The following DAB1 variants were observed in gnomAD, a reference collection of about 807,000 sequenced individuals.
The protein encoded by DAB1 is disabled homolog 1.
A neutral mutation model predicts 64.6 loss-of-function variants in DAB1; 15 were observed. The ratio of observed to expected loss-of-function variants is 0.23; its 90% CI spans 0.16 to 0.36. The LOEUF (loss-of-function observed/expected upper bound fraction) is 0.36, where lower values mean the gene tolerates loss of function less well. Among genes scored for constraint, DAB1 ranks in the 10% least tolerant of loss-of-function variants. The pLI is 1.00. For missense variants in DAB1, 596 were observed against 706.7 expected (o/e 0.84, Z 1.78); for synonymous variants, 235 against 251.9 (o/e 0.93, Z 0.64).
At chr1:57,921,645 C>T (rs1644809120) in intron 5 of DAB1, among the ~76,000 whole-genome samples, 1 of 152,096 alleles carries the variant, frequency 6.6e-6, no homozygotes. Flanking sequence ...TCTGCCGCCA[C>T]CATCCTGAGC....
chr1:57,188,600 G>A (rs1444401197), intron 2 of DAB1, among the ~76,000 whole-genome samples: 1 of 152,118 alleles, frequency 6.6e-6, no homozygotes, highest in East Asian at 1.9e-4. Flanking sequence ...GTGTGTATCT[G>A]TGATCTTCAG....
At chr1:57,459,732 T>C (rs1686718361) in intron 7 of DAB1, among the ~76,000 whole-genome samples, 1 of 152,214 alleles carries the variant, frequency 6.6e-6, no homozygotes, top group African/African-American at 2.4e-5. Context: ...AGATTAAACT[T>C]AGATCCCCTT....
At chr1:57,957,507 G>A (rs1488552094) in intron 5 of DAB1, among the ~76,000 whole-genome samples, 1 of 152,166 alleles carries the variant, frequency 6.6e-6, no homozygotes, top group Non-Finnish European at 1.5e-5. Context: ...TATTAAAAAG[G>A]TTATTGGATA....
At chr1:58,025,288 A>G (rs896131312) in intron 5 of DAB1, among the ~76,000 whole-genome samples, 1 of 152,174 alleles carries the variant, frequency 6.6e-6, no homozygotes, top group Middle Eastern at 3.4e-3. Flanking sequence ...AGCTTTAAAA[A>G]CATCAATTCC....
chr1:58,348,181 A>T (rs1429356030), intron 3 of DAB1, among the ~76,000 whole-genome samples: 1 of 152,154 alleles, frequency 6.6e-6, no homozygotes, highest in Non-Finnish European at 1.5e-5. Flanking sequence ...AACCCCTGGC[A>T]AATACACCTC....
intron 2 of DAB1, among the ~76,000 whole-genome samples, chr1:57,147,269 G>A (rs1457819745): frequency 1.3e-5 from 2 of 151,658 alleles, no homozygotes; most frequent in African/African-American, 4.8e-5. Flanking sequence ...CCACCACCTT[G>A]GCCTCCCCAA....
intron 5 of DAB1, among the ~76,000 whole-genome samples, chr1:58,118,024 C>A (rs990795893): frequency 6.6e-6 from 1 of 151,812 alleles, no homozygotes; most frequent in Non-Finnish European, 1.5e-5. Flanking sequence ...CTACCTCAGC[C>A]TCCTGAGTAG....
chr1:58,077,113 T>G (rs564487742), intron 5 of DAB1, among the ~76,000 whole-genome samples: 121 of 152,126 alleles, frequency 8.0e-4, no homozygotes, highest in African/African-American at 2.8e-3. Flanking sequence ...ACACCCCTTC[T>G]CTATAGGGAA....
intron 4 of DAB1, among the ~76,000 whole-genome samples, chr1:58,305,269 C>T (rs1662279921): frequency 6.6e-6 from 1 of 152,124 alleles, no homozygotes; most frequent in East Asian, 1.9e-4. Context: ...GTCTGCTGAA[C>T]ATAAAAATGT....
intron 3 of DAB1, among the ~76,000 whole-genome samples, chr1:58,484,453 T>A (rs1302420844): frequency 6.6e-6 from 1 of 152,212 alleles, no homozygotes; most frequent in African/African-American, 2.4e-5. Flanking sequence ...AATACAGGCA[T>A]ACTTGAGTTA....
intron 2 of DAB1, among the ~76,000 whole-genome samples, chr1:58,521,140 A>G (rs1646256109): frequency 6.6e-6 from 1 of 152,238 alleles, no homozygotes; most frequent in Non-Finnish European, 1.5e-5. Flanking sequence ...AACAAAAGGT[A>G]ACTTTAAAAT....
intron 4 of DAB1, among the ~76,000 whole-genome samples, chr1:57,102,052 C>G (rs1570694306): frequency 6.6e-6 from 1 of 152,162 alleles, no homozygotes; most frequent in South Asian, 2.1e-4. Context: ...GGCCCTTGCT[C>G]TCAATGAGCT....
chr1:57,644,947 C>A (rs1646174959), intron 7 of DAB1, among the ~76,000 whole-genome samples: 1 of 152,116 alleles, frequency 6.6e-6, no homozygotes, highest in African/African-American at 2.4e-5. Flanking sequence ...ATGTGGGTGA[C>A]CTGTAGAAGC....
At chr1:57,848,776 G>T (rs937236931) in intron 1 of DAB1, among the ~76,000 whole-genome samples, 7 of 152,192 alleles carry the variant, frequency 4.6e-5, no homozygotes, top group South Asian at 2.1e-4. Flanking sequence ...AGCTGAAGCT[G>T]CATGTGGTGG....
intron 4 of DAB1, among the ~76,000 whole-genome samples, chr1:57,096,760 C>A (rs1654205555): frequency 1.3e-5 from 2 of 152,156 alleles, no homozygotes; most frequent in African/African-American, 4.8e-5. Context: ...TATTGTCTTG[C>A]CTGCATTGTT....
intron 4 of DAB1, among the ~76,000 whole-genome samples, chr1:58,332,454 A>G (rs1328714785): frequency 1.3e-5 from 2 of 152,202 alleles, no homozygotes; most frequent in African/African-American, 4.8e-5. Context: ...AGCAAGTCCC[A>G]CAATTTTTGG....
chr1:57,593,140 A>G (rs557728947), intron 7 of DAB1, among the ~76,000 whole-genome samples: 1 of 152,296 alleles, frequency 6.6e-6, no homozygotes, highest in Admixed American at 6.5e-5. Flanking sequence ...GTACCCATGG[A>G]AAATAATGTA....
intron 7 of DAB1, among the ~76,000 whole-genome samples, chr1:57,463,844 CATAA>C (rs1686868452): frequency 6.6e-6 from 1 of 152,132 alleles, no homozygotes; most frequent in Non-Finnish European, 1.5e-5. Context: ...TGCACACAGA[CATAA>C]ATAAGACACG....
intron 2 of DAB1, among the ~76,000 whole-genome samples, chr1:57,282,799 T>G (rs566451526): frequency 6.6e-6 from 1 of 152,288 alleles, no homozygotes; most frequent in Admixed American, 6.5e-5. Context: ...AAATCCTTGG[T>G]TTTGAATTTC....
Sources: allele counts gnomAD v4.1 joint callset (sites outside exome capture counted in the v4.1 genomes callset), GRCh38; gene constraint gnomAD v4.1.1; transcripts MANE v1.5; gene names NCBI Gene and HGNC (gene_info 2026-07-23, HGNC 2026-07-21).